Variants in TESK2 observed in about 807,000 individuals in gnomAD.
TESK2 encodes testis associated actin remodelling kinase 2.
A neutral mutation model predicts 57.1 loss-of-function variants in TESK2; 39 were observed. The observed-to-expected ratio is 0.68, with a 90% CI of 0.53 to 0.89. The LOEUF (loss-of-function observed/expected upper bound fraction) is 0.89, where lower values mean the gene tolerates loss of function less well. Among genes scored for constraint, TESK2 ranks in the 40% least tolerant of loss-of-function variants. The pLI, the probability that TESK2 is intolerant of heterozygous loss-of-function variation, is 0.00. For synonymous variants in TESK2, 249 were observed against 267.9 expected (o/e 0.93, Z 0.69); for missense variants, 646 against 732.1 (o/e 0.88, Z 1.36).
Position 45,457,487 on chromosome 1 carries a change from TA to T in TESK2, c.222+76del, listed in dbSNP as rs369461134. The T allele has an allele frequency of 1.6e-4, 224 of 1,367,218 alleles. 4 individuals are homozygous for T. In the African/African-American group the frequency reaches 2.6e-3, roughly 16 times the overall value. The allele number at this position is 1,367,218 out of a possible 1,614,324, so 84.7% of individuals were successfully genotyped here. On this transcript the variant is annotated intron_variant, in intron 2 of 10. Coordinates refer to ENST00000372086, the MANE Select transcript of TESK2 (RefSeq NM_007170.3). The stretch of plus-strand genomic sequence containing the variant: ...CCTTTATTAGGCAAATCCTACATCC[TA>T]ATTAAACACAACTATCAACCTGCAG...
At chr1:45,424,887 C>G (rs1557568306) in intron 2 of TESK2, among the ~76,000 whole-genome samples, 1 of 152,058 alleles carries the variant, frequency 6.6e-6, no homozygotes, top group Non-Finnish European at 1.5e-5. Context: ...TAAAAACCCT[C>G]AAAAAACTAG....
At chr1:45,385,686 C>T (rs1372888007) in intron 4 of TESK2, among the ~76,000 whole-genome samples, 4 of 143,534 alleles carry the variant, frequency 2.8e-5, no homozygotes, top group Non-Finnish European at 6.0e-5. Context: ...TACCCCAGAA[C>T]TTAAAGTGTA....
chr1:45,416,181 C>T (rs1044739601), intron 3 of TESK2, among the ~76,000 whole-genome samples: 1 of 143,080 alleles, frequency 7.0e-6, no homozygotes, highest in Non-Finnish European at 1.5e-5. Context: ...CTCCTAGGCT[C>T]AAGCCATCCT....
intron 9 of TESK2, 130 bp from the exon 10 acceptor site, chr1:45,346,124 CAATG>C (rs1647140726): frequency 1.4e-6 from 1 of 717,440 alleles, no homozygotes; most frequent in Non-Finnish European, 2.5e-6. Context: ...AGGCCCCAGA[CAATG>C]AAGGTGATCC....
chr1:45,481,143 A>T (rs551522008), intron 1 of TESK2, among the ~76,000 whole-genome samples: 1 of 152,182 alleles, frequency 6.6e-6, no homozygotes, highest in East Asian at 1.9e-4. Context: ...AGGTGGGCGG[A>T]TCACGAGGTC....
intron 4 of TESK2, among the ~76,000 whole-genome samples, chr1:45,380,983 T>C (rs534595715): frequency 1.3e-5 from 2 of 152,328 alleles, no homozygotes; most frequent in African/African-American, 4.8e-5. Context: ...GAAATAGACT[T>C]TGAAGTCAGA....
At chr1:45,356,988 G>T (rs959622357) in intron 4 of TESK2, among the ~76,000 whole-genome samples, 4 of 152,176 alleles carry the variant, frequency 2.6e-5, no homozygotes, top group South Asian at 2.1e-4. Flanking sequence ...GACATCAGGA[G>T]TTCAAGACCA....
chr1:45,435,341 C>T (rs1034098073), intron 2 of TESK2, among the ~76,000 whole-genome samples: 1 of 151,970 alleles, frequency 6.6e-6, no homozygotes, highest in Non-Finnish European at 1.5e-5. Flanking sequence ...GTTGGCCAGG[C>T]TAGTTTCAAG....
At chr1:45,416,789 C>T (rs963555682) in intron 3 of TESK2, among the ~76,000 whole-genome samples, 4 of 151,068 alleles carry the variant, frequency 2.6e-5, no homozygotes, top group African/African-American at 4.9e-5. Context: ...CTTCTCTCCA[C>T]ATTTTTTTTT....
Position 45,357,135 on chromosome 1 carries a change from G to A in TESK2, c.394-1686C>T, listed in dbSNP as rs1020411889. 3.9e-5 allele frequency among the ~76,000 whole-genome samples: 6 copies of A among 152,066 alleles called. No homozygotes were observed. The South Asian group carries it at 1.2e-3, about 32-fold the overall frequency. ...CACTTGAACCCGGGAGGCAGAGGTA[G>A]TAGTGAGCTGAGATCGTGCCATTGC... On this transcript the variant is annotated intron_variant, in intron 4 of 10. Transcript: ENST00000372086.
intron 3 of TESK2, among the ~76,000 whole-genome samples, chr1:45,408,935 T>C (rs970590746): frequency 1.3e-5 from 2 of 152,188 alleles, no homozygotes; most frequent in Admixed American, 6.5e-5. Flanking sequence ...ATTTAACTGA[T>C]TAGTTACAAG....
intron 9 of TESK2, 34 bp from the exon 10 acceptor site, chr1:45,346,028 C>T (rs1647139400): frequency 2.0e-6 from 3 of 1,480,904 alleles, no homozygotes; most frequent in Non-Finnish European, 2.8e-6. Flanking sequence ...GAGCTCTGCC[C>T]TCCATCTCCC....
intron 5 of TESK2, among the ~76,000 whole-genome samples, chr1:45,350,126 T>C (rs1040989857): frequency 1.3e-5 from 2 of 152,062 alleles, no homozygotes; most frequent in Non-Finnish European, 2.9e-5. Context: ...TGGGTGACAG[T>C]GAGACTCTGT....
intron 3 of TESK2, among the ~76,000 whole-genome samples, chr1:45,406,201 A>C (rs1027475469): frequency 1.3e-5 from 2 of 152,216 alleles, no homozygotes; most frequent in Non-Finnish European, 2.9e-5. Context: ...ACTGCACTCC[A>C]ACATGGACAA....
chr1:45,478,952 G>A (rs1042726718), intron 1 of TESK2, among the ~76,000 whole-genome samples: 1 of 152,076 alleles, frequency 6.6e-6, no homozygotes, highest in South Asian at 2.1e-4. Context: ...TCAAACTCCT[G>A]ACCTCACATA....
intron 2 of TESK2, among the ~76,000 whole-genome samples, chr1:45,424,190 A>T (rs1650594074): frequency 6.6e-6 from 1 of 152,208 alleles, no homozygotes; most frequent in Non-Finnish European, 1.5e-5. Context: ...ACTCTTCAAT[A>T]TCCAAAAACT....
At chr1:45,425,249 T>A (rs1394711042) in intron 2 of TESK2, among the ~76,000 whole-genome samples, 1 of 152,194 alleles carries the variant, frequency 6.6e-6, no homozygotes, top group Non-Finnish European at 1.5e-5. Context: ...CAGTAGCATT[T>A]CTATATGCCA....
In TESK2 at chr1:45,345,251, G is replaced by A. The variant is rs3893383; in HGVS notation, c.1305C>T (p.Pro435=). 0.11 allele frequency: 175,843 copies of A among 1,614,046 alleles called. 11,273 individuals are homozygous for A. Among genetic ancestry groups the A allele is most frequent in the African/African-American group, 0.26 (19,433 of 74,976 alleles). ...GCCAGTCAGCCAGGGGCATAGTTCC[G>A]GGCCCTGGTGCATCCAGGTCAAATA... ...SLVFDLDAPG[P]GTMPLADWQE... Residue 435 remains proline (P), a synonymous_variant, in exon 11 of 11, where the codon CCC becomes CCT. Coordinates refer to ENST00000372086, the MANE Select transcript of TESK2 (RefSeq NM_007170.3).
At chr1:45,475,063 CAAA>C (rs58542898) in intron 1 of TESK2, among the ~76,000 whole-genome samples, 6 of 87,430 alleles carry the variant, frequency 6.9e-5, no homozygotes, top group Non-Finnish European at 7.4e-5. Context: ...GACTCTATCT[CAAA>C]AAAAAAAAAA....
Sources: gnomAD v4.1 joint callset for allele counts (sites outside exome capture counted in the v4.1 genomes callset) on GRCh38, gnomAD v4.1.1 for gene constraint, MANE v1.5 for transcripts, NCBI Gene and HGNC (gene_info 2026-07-23, HGNC 2026-07-21) for gene names.